Variants in FGF3 observed in about 807,000 individuals in gnomAD.
FGF3 encodes FGF-3.
In FGF3, 7 loss-of-function variants were observed where a neutral mutation model predicts 9.8. The ratio of observed to expected loss-of-function variants is 0.72; its 90% CI spans 0.41 to 1.35. The LOEUF is 1.35. Ranked by LOEUF, FGF3 falls within the 40% of genes most tolerant of loss-of-function variation. FGF3 has a pLI of 0.01. For synonymous variants in FGF3, 173 were observed against 157.2 expected (o/e 1.10, Z -0.75); for missense variants, 390 against 345.6 (o/e 1.13, Z -1.02).
At chr11:69,816,176 C>T in intron 2 of FGF3, 144 bp downstream of exon 2, 1 of 734,890 alleles carries the variant, frequency 1.4e-6, no homozygotes, top group Non-Finnish European at 2.5e-6. Flanking sequence ...GGGCGTGGAG[C>T]CCTGGGCCAG....
At chr11:69,811,322 C>T (rs891926180) in intron 2 of FGF3, among the ~76,000 whole-genome samples, 12 of 151,710 alleles carry the variant, frequency 7.9e-5, no homozygotes, top group Admixed American at 5.9e-4. Context: ...TGGTGGCGTG[C>T]GCCCACAATC....
chr11:69,810,276 G>T lies in FGF3; in HGVS notation c.*29C>A. On this transcript the variant is annotated 3_prime_UTR_variant, in exon 3 of 3. Transcript: ENST00000334134. ...AGGCTGCCACGCCAAGATGTCGCCA[G>T]GAGCTCTGGCGGTGGCCACCAGGCC... 6.5e-7 allele frequency: 1 copy of T among 1,532,694 alleles called. No individual in the cohort carries two copies. Among genetic ancestry groups the T allele is most frequent in the East Asian group, 2.4e-5 (1 of 41,382 alleles). The allele number at this position is 1,532,694 out of a possible 1,614,324, so 94.9% of individuals were successfully genotyped here. A position where few individuals can be genotyped will look rare whatever the true frequency, so the allele number is the denominator to read the frequency against.
intron 2 of FGF3, among the ~76,000 whole-genome samples, chr11:69,811,624 T>G (rs1165056995): frequency 7.9e-5 from 12 of 152,098 alleles, no homozygotes; most frequent in Non-Finnish European, 1.5e-4. Context: ...TGAGCAACAC[T>G]CTCTTAAGCT....
At chr11:69,816,193 G>C in intron 2 of FGF3, 127 bp downstream of exon 2, 1 of 795,864 alleles carries the variant, frequency 1.3e-6, no homozygotes, top group South Asian at 1.4e-5. Flanking sequence ...CCAGGGTCTG[G>C]TCCTAGCTTG....
At chr11:69,812,896 G>A (rs1423277032) in intron 2 of FGF3, among the ~76,000 whole-genome samples, 1 of 152,188 alleles carries the variant, frequency 6.6e-6, no homozygotes, top group Non-Finnish European at 1.5e-5. Context: ...GCTCTCCCAA[G>A]GTGGGAGATT....
intron 2 of FGF3, among the ~76,000 whole-genome samples, chr11:69,811,127 A>G (rs1856023573): frequency 6.6e-6 from 1 of 152,224 alleles, no homozygotes; most frequent in East Asian, 1.9e-4. Context: ...GGACAAAGGA[A>G]GATGACAACA....
chr11:69,810,591 C>T lies in FGF3; in HGVS notation c.434G>A (p.Arg145Gln), dbSNP rs782088765. 1.9e-5 allele frequency: 30 copies of T among 1,611,056 alleles called. 1 individual carries two copies. The Middle Eastern group carries it at 4.9e-4, about 27-fold the overall frequency. Residue 145 changes from arginine (R) to glutamine (Q), a missense_variant, in exon 3 of 3, where the codon CGG becomes CAG. Coordinates refer to ENST00000334134, the MANE Select transcript of FGF3 (RefSeq NM_005247.4). ...RTVSSTPGAR[R>Q]QPSAERLWYV... ...CCACAGTCTCTCGGCGCTGGGCTGC[C>T]GGCGGGCCCCAGGCGTACTAGACAC...
chr11:69,818,823 C>G lies in FGF3; in HGVS notation c.111G>C (p.Glu37Asp), dbSNP rs1856188085. The change falls in exon 1 of 3, where the codon GAG (glutamate) becomes GAC (aspartate). Residue 37 changes from glutamate to aspartate, a missense_variant. Coordinates refer to ENST00000334134, the MANE Select transcript of FGF3 (RefSeq NM_005247.4). Reference sequence around the variant, plus strand: ...GGCGCCGGGGCGCCCCGCCAAGGTGCTCGTAGACGCCGCCACGGCCGCCCG... The same window carrying G: ...GGCGCCGGGGCGCCCCGCCAAGGTGGTCGTAGACGCCGCCACGGCCGCCCG... The part of the protein sequence containing the change: ...RDAGGRGGVY[E>D]HLGGAPRRRK... 1.3e-6 allele frequency: 2 copies of G among 1,485,154 alleles called. No individual in the cohort carries two copies. Among genetic ancestry groups the G allele is most frequent in the South Asian group, 2.5e-5 (2 of 79,172 alleles). The allele number at this position is 1,485,154 out of a possible 1,614,324, so 92.0% of individuals were successfully genotyped here. A position where few individuals can be genotyped will look rare whatever the true frequency, so the allele number is the denominator to read the frequency against.
In FGF3 at chr11:69,815,908, G is replaced by A. The variant is rs564371120; in HGVS notation, c.324+412C>T. Among the ~76,000 whole-genome samples, 20 of 152,172 alleles carry A rather than the reference G, an allele frequency of 1.3e-4. No homozygotes were observed. The South Asian group carries it at 3.5e-3, about 27-fold the overall frequency. ...AGAGAGCCGGTGGAGCTGGGCCAGC[G>A]TCCTCCTCTCCATGCTCCCAGGAGA... is the stretch of plus-strand genomic sequence containing the variant. On this transcript the variant is annotated intron_variant, in intron 2 of 2. Transcript: ENST00000334134.
At chr11:69,816,501 G>A in intron 1 of FGF3, 78 bp from the exon 2 acceptor site, 2 of 1,100,294 alleles carry the variant, frequency 1.8e-6, no homozygotes, top group South Asian at 1.2e-5. Flanking sequence ...CCTGCCCAAA[G>A]CCACACCCCG....
In FGF3 at chr11:69,810,661, G is replaced by A; in HGVS notation, c.364C>T (p.His122Tyr). ...SAECEFVERI[H>Y]ELGYNTYASR... Reference sequence around the variant, plus strand: ...GCATACGTATTATAGCCCAGCTCGTGGATCCGCTCCACAAACTCGCACTCG... The same window carrying A: ...GCATACGTATTATAGCCCAGCTCGTAGATCCGCTCCACAAACTCGCACTCG... Residue 122 changes from histidine (H) to tyrosine (Y), a missense_variant, in exon 3 of 3, where the codon CAC becomes TAC. Coordinates refer to ENST00000334134, the MANE Select transcript of FGF3 (RefSeq NM_005247.4). The A allele has an allele frequency of 1.3e-6, 2 of 1,592,806 alleles. No homozygotes were observed. Among genetic ancestry groups the A allele is most frequent in the Non-Finnish European group, 1.7e-6 (2 of 1,165,852 alleles).
At chr11:69,814,212 G>A (rs1856091169) in intron 2 of FGF3, among the ~76,000 whole-genome samples, 1 of 152,074 alleles carries the variant, frequency 6.6e-6, no homozygotes. Context: ...TGATCCAGGT[G>A]GGAAGTGATG....
chr11:69,818,863 C>T lies in FGF3; in HGVS notation c.71G>A (p.Arg24Gln), dbSNP rs1554981422. ...ACGGCCGCCCGCATCGCGCCGCAAC[C>T]GCGCCCCAGGGCCCGCTGCGGGCCA... is the stretch of plus-strand genomic sequence containing the variant. Reference protein sequence around the residue: ...PGWPAAGPGARLRRDAGGRGG... With the variant: ...PGWPAAGPGAQLRRDAGGRGG... Residue 24 changes from arginine (R) to glutamine (Q), a missense_variant, in exon 1 of 3, where the codon CGG becomes CAG. Transcript: ENST00000334134. The T allele has an allele frequency of 1.4e-6, 2 of 1,465,984 alleles. No homozygotes were observed. The highest frequency in any genetic ancestry group is 1.8e-6 in the Non-Finnish European group (2 of 1,115,242). The allele number at this position is 1,465,984 out of a possible 1,614,324, so 90.8% of individuals were successfully genotyped here.
In FGF3 at chr11:69,818,879, C is replaced by T; in HGVS notation, c.55G>A (p.Ala19Thr). The T allele has an allele frequency of 6.8e-7, 1 of 1,463,330 alleles. No individual in the cohort carries two copies. Among genetic ancestry groups the T allele is most frequent in the Non-Finnish European group, 9.0e-7 (1 of 1,113,916 alleles). The allele number at this position is 1,463,330 out of a possible 1,614,324, so 90.6% of individuals were successfully genotyped here. A position where few individuals can be genotyped will look rare whatever the true frequency, so the allele number is the denominator to read the frequency against. The change falls in exon 1 of 3, where the codon GCG becomes ACG. Residue 19 changes from alanine to threonine, a missense_variant. Physicochemically the swap from Ala to Thr is moderately conservative, Grantham distance 58 (BLOSUM62 0). Transcript: ENST00000334134. ...CGCCGCAACCGCGCCCCAGGGCCCG[C>T]TGCGGGCCAGCCGGGCTCCAGCAGG... ...LSLLEPGWPA[A>T]GPGARLRRDA...
chr11:69,818,927 G>T lies in FGF3; in HGVS notation c.7C>A (p.Leu3Ile). ...AGGCTGAGCAGTAGCAGCCAGATTA[G>T]GCCCATCGTGGCATCGCGCCCGCCC... Reference protein sequence around the residue: MGLIWLLLLSLLE... With the variant: MGIIWLLLLSLLE... Residue 3 changes from leucine (L) to isoleucine (I), a missense_variant, in exon 1 of 3, where the codon CTA (leucine) becomes ATA (isoleucine). By Grantham distance (5) the Leu-to-Ile change is conservative. Transcript: ENST00000334134. 1.4e-6 allele frequency: 2 copies of T among 1,466,378 alleles called. No individual in the cohort carries two copies. Among genetic ancestry groups the T allele is most frequent in the South Asian group, 2.6e-5 (2 of 77,170 alleles). 90.8% of individuals were successfully genotyped at this position (1,466,378 alleles called of 1,614,324 possible).
At position 69,819,326 on chromosome 11, in the gene FGF3, C is replaced by G. The variant is rs975323917; in HGVS notation, c.-393G>C. On this transcript the variant is annotated 5_prime_UTR_variant, in exon 1 of 3. Coordinates refer to ENST00000334134, the MANE Select transcript of FGF3 (RefSeq NM_005247.4). ...GGGGCTCGGGGTTCGGGCCGGGCGC[C>G]GTCTGCATACACTCGCCGCCAGCGC... 4.6e-5 allele frequency among the ~76,000 whole-genome samples: 7 copies of G among 151,410 alleles called. No homozygotes were observed. Among genetic ancestry groups the G allele is most frequent in the African/African-American group, 1.7e-4 (7 of 41,302 alleles).
rs782064297 is a variant in FGF3, at chr11:69,816,452, C to T, written c.221-29G>A. 2.9e-5 allele frequency: 45 copies of T among 1,577,110 alleles called. No homozygotes were observed. In the East Asian group the frequency reaches 6.3e-4, roughly 22 times the overall value. On this transcript the variant is annotated intron_variant, in intron 1 of 2. Transcript: ENST00000334134. ...GAAGAAATGAGAGGTGCCTCACTCC[C>T]GCCGCCCCCACGGAGGGGGCGGCTG...
chr11:69,813,380 C>T (rs1272684799), intron 2 of FGF3, among the ~76,000 whole-genome samples: 2 of 152,198 alleles, frequency 1.3e-5, no homozygotes, highest in Admixed American at 1.3e-4. Context: ...GTGGGTGGAG[C>T]TAAGGTGCCT....
intron 1 of FGF3, chr11:69,817,452 C>A (rs1265470941): frequency 2.0e-5 from 3 of 152,214 alleles, no homozygotes; most frequent in Admixed American, 6.5e-5. Flanking sequence ...CGGCTGCGGG[C>A]GCGCGCCCTC....
Sources: allele counts gnomAD v4.1 joint callset (sites outside exome capture counted in the v4.1 genomes callset), GRCh38; gene constraint gnomAD v4.1.1; transcripts MANE v1.5; gene names NCBI Gene and HGNC (gene_info 2026-07-23, HGNC 2026-07-21).